The following ARHGEF39 variants were observed in gnomAD, a reference collection of about 807,000 sequenced individuals.
The protein encoded by ARHGEF39 is Rho guanine nucleotide exchange factor (GEF) 39.
Under a neutral mutation model 47.5 loss-of-function variants are expected in ARHGEF39, and 45 were observed. That is an observed-to-expected ratio of 0.95 (90% CI 0.75 to 1.22). The LOEUF (loss-of-function observed/expected upper bound fraction) is 1.22, where lower values mean the gene tolerates loss of function less well. Among genes scored for constraint, ARHGEF39 ranks in the 50% most tolerant of loss-of-function variants. The probability of loss-of-function intolerance (pLI) is 0.00; values close to 1 mark genes in which losing one functional copy is unlikely to be tolerated. For missense variants in ARHGEF39, 411 were observed against 425.3 expected, an observed-to-expected ratio of 0.97 and a Z score of 0.30; for synonymous variants, 164 against 167.8, an observed-to-expected ratio of 0.98 and a Z score of 0.17.
chr9:35,664,996 C>T (rs766870452), intron 1 of ARHGEF39, 36 bp downstream of exon 1: 2 of 1,523,434 alleles, frequency 1.3e-6, no homozygotes, highest in Middle Eastern at 1.7e-4. Context: ...CCTGGGGTCC[C>T]TGTCCTATAA....
chr9:35,662,168 A>G lies in ARHGEF39; in HGVS notation c.992+11T>C, dbSNP rs1823983450. The G allele has an allele frequency of 1.2e-6, 2 of 1,613,388 alleles. No individual in the cohort carries two copies. The highest frequency in any genetic ancestry group is 1.3e-5 in the African/African-American group (1 of 74,872). On this transcript the variant is annotated intron_variant, in intron 8 of 8. Coordinates refer to ENST00000378387, the MANE Select transcript of ARHGEF39 (RefSeq NM_032818.3). ...ATCACAGCACCCTTCCTGGGGGAAG[A>G]CACAACTTACCTGATAGCCCAAGTC...
In ARHGEF39 at chr9:35,661,876, C is replaced by A; in HGVS notation, c.*111G>T. 6.0e-6 allele frequency: 8 copies of A among 1,332,292 alleles called. No homozygotes were observed. Among genetic ancestry groups the A allele is most frequent in the Non-Finnish European group, 8.3e-6 (8 of 966,486 alleles). 82.5% of individuals were successfully genotyped at this position (1,332,292 alleles called of 1,614,324 possible). On this transcript the variant is annotated 3_prime_UTR_variant, in exon 9 of 9. Coordinates refer to ENST00000378387, the MANE Select transcript of ARHGEF39 (RefSeq NM_032818.3). ...TTGGTCCAGGCAAACAGAAAGTGACCTTTGTCAAATCATGAAGGGTTCTGT... is the reference window on the plus strand; with the variant it reads ...TTGGTCCAGGCAAACAGAAAGTGACATTTGTCAAATCATGAAGGGTTCTGT...
At chr9:35,664,351 T>A in intron 3 of ARHGEF39, 21 bp downstream of exon 3, 6 of 1,588,702 alleles carry the variant, frequency 3.8e-6, no homozygotes, top group Non-Finnish European at 5.1e-6. Flanking sequence ...GGGGCAAGAT[T>A]TGAGGTCATC....
In ARHGEF39 at chr9:35,660,357, GA is replaced by G; in HGVS notation, c.*1629del. 6.6e-7 allele frequency: 1 copy of G among 1,522,170 alleles called. No individual in the cohort carries two copies. The allele number at this position is 1,522,170 out of a possible 1,614,324, so 94.3% of individuals were successfully genotyped here. A position where few individuals can be genotyped will look rare whatever the true frequency, so the allele number is the denominator to read the frequency against. On this transcript the variant is annotated 3_prime_UTR_variant, in exon 9 of 9. Transcript: ENST00000378387. ...CTCTGGAGACTGAGGTGATGGAGCAGAACCTTGTTGCTTCAGTACTGCCCTT... is the reference window on the plus strand; with the variant it reads ...CTCTGGAGACTGAGGTGATGGAGCAGACCTTGTTGCTTCAGTACTGCCCTT...
At position 35,665,055 on chromosome 9, in the gene ARHGEF39, C is replaced by G. The variant is rs866366702; in HGVS notation, c.115G>C (p.Glu39Gln). 6.4e-7 allele frequency: 1 copy of G among 1,565,038 alleles called. No homozygotes were observed. Among genetic ancestry groups the G allele is most frequent in the Admixed American group, 1.9e-5 (1 of 52,158 alleles). Residue 39 changes from glutamate to glutamine, a missense_variant, in exon 1 of 9, where the codon GAA (glutamate) becomes CAA (glutamine). Transcript: ENST00000378387. ...ELLETERRYQ[E>Q]QLGLVATYFL... ...ACCGTGGCCACCAGCCCCAGCTGTTCTTGGTAGCGCCGCTCGGTCTCTAGC... is the reference window on the plus strand; with the variant it reads ...ACCGTGGCCACCAGCCCCAGCTGTTGTTGGTAGCGCCGCTCGGTCTCTAGC...
At chr9:35,662,056 A>G in intron 8 of ARHGEF39, 54 bp from the exon 9 acceptor site, 1 of 1,611,700 alleles carries the variant, frequency 6.2e-7, no homozygotes, top group South Asian at 1.1e-5. Context: ...TTATTCAGAC[A>G]AAATCATCTG....
intron 8 of ARHGEF39, 80 bp from the exon 9 acceptor site, chr9:35,662,082 G>C (rs1372404550): frequency 3.1e-6 from 5 of 1,603,618 alleles, no homozygotes; most frequent in Non-Finnish European, 4.3e-6. Context: ...TGGTGGCTGG[G>C]GTGTGCCAGA....
Position 35,662,984 on chromosome 9 carries a change from GC to G in ARHGEF39, c.634del (p.Ala212LeufsTer11). The G allele has an allele frequency of 1.2e-6, 2 of 1,610,182 alleles. No homozygotes were observed. The highest frequency in any genetic ancestry group is 1.7e-6 in the Non-Finnish European group (2 of 1,176,942). On this transcript the variant is annotated frameshift_variant, in exon 6 of 9. Transcript: ENST00000378387. LOFTEE classifies it high-confidence loss of function. ...CTTTGCCTGGCGTCCACTGAGCAGA[GC>G]CTGGACACGCCGAAGGTGCTGGTCA... ...KNDQHLRRVQALLSGRQAKGL... is the reference protein window; with the variant it reads ...KNDQHLRRVQXLLSGRQAKGL...
Position 35,661,827 on chromosome 9 carries a change from G to T in ARHGEF39, c.*160C>A. On this transcript the variant is annotated 3_prime_UTR_variant, in exon 9 of 9. Coordinates refer to ENST00000378387, the MANE Select transcript of ARHGEF39 (RefSeq NM_032818.3). Reference sequence around the variant, plus strand: ...CTGTGCCTGGCCGTGATTTTTAAGAGTTGGTCAGATGATCTGGAGTAGCTT... The same window carrying T: ...CTGTGCCTGGCCGTGATTTTTAAGATTTGGTCAGATGATCTGGAGTAGCTT... The T allele has an allele frequency of 1.2e-6, 1 of 826,618 alleles. No homozygotes were observed. The highest frequency in any genetic ancestry group is 1.9e-6 in the Non-Finnish European group (1 of 527,448). 51.2% of individuals were successfully genotyped at this position (826,618 alleles called of 1,614,324 possible).
Position 35,664,842 on chromosome 9 carries a change from C to T in ARHGEF39, c.147G>A (p.Leu49=). 6.2e-7 allele frequency: 1 copy of T among 1,609,260 alleles called. No homozygotes were observed. Among genetic ancestry groups the T allele is most frequent in the Non-Finnish European group, 8.5e-7 (1 of 1,179,956 alleles). The change falls in exon 2 of 9, where the codon TTG becomes TTA. Residue 49 remains leucine, a synonymous_variant. Coordinates refer to ENST00000378387, the MANE Select transcript of ARHGEF39 (RefSeq NM_032818.3). The stretch of plus-strand genomic sequence containing the variant: ...GGGTCCCCTTGGCTTTCAGGATCCC[C>T]AAAAAGTACTGCGGAAGGAGAGAAC... ...EQLGLVATYF[L]GILKAKGTLR...
Position 35,661,426 on chromosome 9 carries a change from G to T in ARHGEF39, c.*561C>A. ...CTTTTCTCATAGCAAAACTGAGACA[G>T]AAGGGTCTTTCCCAAAAAAAAGAAA... is the stretch of plus-strand genomic sequence containing the variant. On this transcript the variant is annotated 3_prime_UTR_variant, in exon 9 of 9. Coordinates refer to ENST00000378387, the MANE Select transcript of ARHGEF39 (RefSeq NM_032818.3). 2.2e-6 allele frequency: 1 copy of T among 456,302 alleles called. No homozygotes were observed. The highest frequency in any genetic ancestry group is 3.8e-6 in the Non-Finnish European group (1 of 260,084). 28.3% of individuals were successfully genotyped at this position (456,302 alleles called of 1,614,324 possible).
chr9:35,662,457 A>G (rs1418945892), intron 7 of ARHGEF39, 55 bp downstream of exon 7: 3 of 1,541,524 alleles, frequency 1.9e-6, no homozygotes, highest in Non-Finnish European at 2.6e-6. Flanking sequence ...GAGATAAACC[A>G]GCCCATAAGC....
chr9:35,661,831 G>A lies in ARHGEF39; in HGVS notation c.*156C>T, dbSNP rs187935173. ...GCCTGGCCGTGATTTTTAAGAGTTG[G>A]TCAGATGATCTGGAGTAGCTTGGTC... On this transcript the variant is annotated 3_prime_UTR_variant, in exon 9 of 9. Transcript: ENST00000378387. 1.2e-6 allele frequency: 1 copy of A among 856,958 alleles called. No individual in the cohort carries two copies. Among genetic ancestry groups the A allele is most frequent in the Non-Finnish European group, 1.8e-6 (1 of 552,196 alleles). The allele number at this position is 856,958 out of a possible 1,614,324, so 53.1% of individuals were successfully genotyped here.
In ARHGEF39 at chr9:35,659,977, T is replaced by G. The variant is rs1353572192; in HGVS notation, c.*2010A>C. 6.5e-6 allele frequency: 1 copy of G among 154,614 alleles called. No individual in the cohort carries two copies. The highest frequency in any genetic ancestry group is 1.4e-5 in the Non-Finnish European group (1 of 69,604). The allele number at this position is 154,614 out of a possible 1,614,324, so 9.6% of individuals were successfully genotyped here. On this transcript the variant is annotated 3_prime_UTR_variant, in exon 9 of 9. Transcript: ENST00000378387. ...CTCCTGCCTCAGCCTCTCAAGTAAC[T>G]GGGATTACAGGCACCTGCCACCACG... is the stretch of plus-strand genomic sequence containing the variant.
intron 3 of ARHGEF39, 66 bp downstream of exon 3, chr9:35,664,306 T>C: frequency 6.5e-7 from 1 of 1,549,728 alleles, no homozygotes; most frequent in Non-Finnish European, 8.7e-7. Context: ...AGGAAATGTA[T>C]GAAGTTTGGG....
chr9:35,660,932 C>G lies in ARHGEF39; in HGVS notation c.*1055G>C. The G allele has an allele frequency of 6.2e-7, 1 of 1,614,176 alleles. No homozygotes were observed. The highest frequency in any genetic ancestry group is 8.5e-7 in the Non-Finnish European group (1 of 1,180,040). On this transcript the variant is annotated 3_prime_UTR_variant, in exon 9 of 9. Transcript: ENST00000378387. ...AAACTGGAACATTCCTGATCTCTCC[C>G]CACACAGAGGCCAGCAGACCTCTTC...
At position 35,660,274 on chromosome 9, in the gene ARHGEF39, C is replaced by G; in HGVS notation, c.*1713G>C. On this transcript the variant is annotated 3_prime_UTR_variant, in exon 9 of 9. Coordinates refer to ENST00000378387, the MANE Select transcript of ARHGEF39 (RefSeq NM_032818.3). Reference sequence around the variant, plus strand: ...AGCTAGATAGACTAGGATTGTGATTCTCTGAGGTAAAAACCCAATCACTGT... The same window carrying G: ...AGCTAGATAGACTAGGATTGTGATTGTCTGAGGTAAAAACCCAATCACTGT... The G allele has an allele frequency of 1.3e-6, 1 of 767,104 alleles. No individual in the cohort carries two copies. The allele number at this position is 767,104 out of a possible 1,614,324, so 47.5% of individuals were successfully genotyped here.
rs776387476 is a variant in ARHGEF39, at chr9:35,660,580, C to A, written c.*1407G>T. ...AGAGCAACAGCTGGCCCAGTTGACA[C>A]AACAGCTGGCCCAGACAGAGCAGCA... On this transcript the variant is annotated 3_prime_UTR_variant, in exon 9 of 9. Transcript: ENST00000378387. 2.5e-6 allele frequency: 4 copies of A among 1,614,052 alleles called. No homozygotes were observed. The highest frequency in any genetic ancestry group is 2.5e-6 in the Non-Finnish European group (3 of 1,180,044).
chr9:35,659,779 A>G lies in ARHGEF39; in HGVS notation c.*2208T>C, dbSNP rs1276912211. ...AGACATTATTTTGGAAGGCTCCAGT[A>G]AGCACTATGGAAAGAAGATACATAA... On this transcript the variant is annotated 3_prime_UTR_variant, in exon 9 of 9. Transcript: ENST00000378387. 1 of 152,234 alleles carries G rather than the reference A, an allele frequency of 6.6e-6. No individual in the cohort carries two copies. The highest frequency in any genetic ancestry group is 1.5e-5 in the Non-Finnish European group (1 of 68,054). The allele number at this position is 152,234 out of a possible 1,614,324, so 9.4% of individuals were successfully genotyped here.
Sources: allele counts gnomAD v4.1 joint callset, GRCh38; gene constraint gnomAD v4.1.1; transcripts MANE v1.5; gene names NCBI Gene and HGNC (gene_info 2026-07-23, HGNC 2026-07-21).